Variants in FARP1 observed in about 807,000 individuals in gnomAD.
FARP1 encodes the protein FERM, ARH/RhoGEF and pleckstrin domain protein 1.
In FARP1, 52 loss-of-function variants were observed where a neutral mutation model predicts 128.8. That is an observed-to-expected ratio of 0.40 (90% CI 0.32 to 0.51). The LOEUF is 0.51. FARP1 is among the 20% of genes least tolerant of loss of function. The pLI is 0.45. For synonymous variants in FARP1, 580 were observed against 551.8 expected (o/e 1.05, Z -0.72); for missense variants, 1,333 against 1,367.9 (o/e 0.97, Z 0.40).
At chr13:98,337,204 T>C (rs1399522821) in intron 2 of FARP1, among the ~76,000 whole-genome samples, 2 of 151,906 alleles carry the variant, frequency 1.3e-5, no homozygotes, top group Non-Finnish European at 2.9e-5. Context: ...TCGTCTCTAC[T>C]AAAAATAAAA....
intron 24 of FARP1, among the ~76,000 whole-genome samples, chr13:98,442,476 G>A (rs72652241): frequency 0.026 from 3,995 of 152,318 alleles, 100 homozygotes; most frequent in Non-Finnish European, 0.034. Context: ...TCCCCCACGG[G>A]CACAGCCTTT....
intron 16 of FARP1, among the ~76,000 whole-genome samples, chr13:98,415,799 C>A (rs1891352189): frequency 6.6e-6 from 1 of 152,290 alleles, no homozygotes; most frequent in Non-Finnish European, 1.5e-5. Context: ...TGCCTTTCCT[C>A]ACGTTGCCGT....
chr13:98,395,895 A>G, intron 13 of FARP1: 1 of 400,124 alleles, frequency 2.5e-6, no homozygotes, highest in Non-Finnish European at 4.4e-6. Flanking sequence ...GTTCAAGTCC[A>G]AATATGAGTT....
chr13:98,248,890 G>T (rs1003561345), intron 2 of FARP1, among the ~76,000 whole-genome samples: 1 of 152,030 alleles, frequency 6.6e-6, no homozygotes, highest in Non-Finnish European at 1.5e-5. Flanking sequence ...GTTCCTGAGC[G>T]CAAGAAGGCT....
At chr13:98,263,111 C>T (rs915688921) in intron 2 of FARP1, among the ~76,000 whole-genome samples, 3 of 152,080 alleles carry the variant, frequency 2.0e-5, no homozygotes, top group Non-Finnish European at 2.9e-5. Context: ...CGGTTTCAAG[C>T]GATTCTCCTG....
intron 1 of FARP1, among the ~76,000 whole-genome samples, chr13:98,206,144 T>A (rs542381640): frequency 8.1e-4 from 123 of 151,714 alleles, no homozygotes; most frequent in Non-Finnish European, 1.4e-3. Context: ...CAGAGCCGTG[T>A]TCCATACTAA....
chr13:98,304,810 A>G (rs1464874163), intron 2 of FARP1, among the ~76,000 whole-genome samples: 3 of 152,254 alleles, frequency 2.0e-5, no homozygotes, highest in African/African-American at 4.8e-5. Flanking sequence ...AGCTGGGCAT[A>G]AATTCATGCA....
Position 98,411,931 on chromosome 13 carries a change from G to T in FARP1, c.1723G>T (p.Ala575Ser). ...TCAGAGCACAGTGAGCAAAGAGGACGCCATGCCGGAAGCACTGAAAAGTCT... is the reference window on the plus strand; with the variant it reads ...TCAGAGCACAGTGAGCAAAGAGGACTCCATGCCGGAAGCACTGAAAAGTCT... ...WFQSTVSKED[A>S]MPEALKSLIF... The change falls in exon 16 of 27, where the codon GCC becomes TCC. Residue 575 changes from alanine to serine, a missense_variant. Around this residue, in one of 2 missense-constraint regions of FARP1, gnomAD observed 1,009 missense variants for 969.8 expected, o/e 1.04. Transcript: ENST00000319562. The T allele has an allele frequency of 1.2e-6, 2 of 1,614,068 alleles. No homozygotes were observed. Among genetic ancestry groups the T allele is most frequent in the Non-Finnish European group, 1.7e-6 (2 of 1,179,916 alleles).
intron 16 of FARP1, among the ~76,000 whole-genome samples, chr13:98,417,478 A>AAAAAAAAAG (rs1891429406): frequency 6.9e-6 from 1 of 144,424 alleles, no homozygotes; most frequent in African/African-American, 2.7e-5. Context: ...AAAAAAAAAA[A>AAAAAAAAAG]AAAAAAGAAC....
chr13:98,407,699 C>T (rs1315369073), intron 13 of FARP1, among the ~76,000 whole-genome samples: 1 of 152,158 alleles, frequency 6.6e-6, no homozygotes, highest in African/African-American at 2.4e-5. Context: ...TTGCACTAAC[C>T]AGTAGTCCGT....
At chr13:98,295,674 T>C (rs1885654640) in intron 2 of FARP1, among the ~76,000 whole-genome samples, 1 of 152,088 alleles carries the variant, frequency 6.6e-6, no homozygotes, top group Non-Finnish European at 1.5e-5. Flanking sequence ...TAAAGAGACA[T>C]TTGGAATTTT....
At chr13:98,152,009 A>C (rs1219358134) in intron 1 of FARP1, among the ~76,000 whole-genome samples, 1 of 152,130 alleles carries the variant, frequency 6.6e-6, no homozygotes, top group African/African-American at 2.4e-5. Flanking sequence ...CTCTTTCCCG[A>C]AAACCTCAAG....
At position 98,308,133 on chromosome 13, in the gene FARP1, C is replaced by T. The variant is rs1305413203; in HGVS notation, c.172-35629C>T. Among the ~76,000 whole-genome samples the T allele has an allele frequency of 3.3e-5, 5 of 149,554 alleles. No individual in the cohort carries two copies. In the East Asian group the frequency reaches 9.8e-4, roughly 29 times the overall value. ...GGAATTTATCCTAGCCTTTTTTCCT[C>T]CTGTGGCTCCACAGCACATGCATTC... On this transcript the variant is annotated intron_variant, in intron 2 of 26. Coordinates refer to ENST00000319562, the MANE Select transcript of FARP1 (RefSeq NM_005766.4).
At chr13:98,417,455 G>GAAAAAAAAAAAAAAA (rs869304302) in intron 16 of FARP1, among the ~76,000 whole-genome samples, 2 of 58,452 alleles carry the variant, frequency 3.4e-5, no homozygotes, top group African/African-American at 5.7e-5. Context: ...CCAGAGGTTT[G>GAAAAAAAAAAAAAAA]AAAAAAAAAA....
chr13:98,238,034 A>T (rs1363916847), intron 2 of FARP1, among the ~76,000 whole-genome samples: 7 of 152,170 alleles, frequency 4.6e-5, no homozygotes, highest in African/African-American at 7.2e-5. Flanking sequence ...AGGCAAAAGG[A>T]AGGTGAAGGA....
chr13:98,256,894 A>G (rs553228223), intron 2 of FARP1, among the ~76,000 whole-genome samples: 1 of 141,736 alleles, frequency 7.1e-6, no homozygotes, highest in Admixed American at 7.1e-5. Flanking sequence ...TTTACAAGGA[A>G]CAATAATAAA....
intron 13 of FARP1, chr13:98,397,830 C>T (rs1890606361): frequency 7.2e-6 from 1 of 139,324 alleles, no homozygotes; most frequent in Non-Finnish European, 1.5e-5. Flanking sequence ...GTAAGAAAAA[C>T]ATCACAAACA....
chr13:98,374,960 C>A (rs938166511), intron 5 of FARP1, among the ~76,000 whole-genome samples: 1 of 152,164 alleles, frequency 6.6e-6, no homozygotes, highest in Non-Finnish European at 1.5e-5. Context: ...CACTCACCCC[C>A]AAGGGAGGTT....
At position 98,176,589 on chromosome 13, in the gene FARP1, G is replaced by T; in HGVS notation, c.-24+33097G>T. The T allele has an allele frequency of 6.2e-7, 1 of 1,614,220 alleles. No homozygotes were observed. Among genetic ancestry groups the T allele is most frequent in the East Asian group, 2.2e-5 (1 of 44,878 alleles). On this transcript the variant is annotated intron_variant, in intron 1 of 26. Transcript: ENST00000319562. This position sits in a 1 kb window ranked among gnomAD's most constrained non-coding sequence, Gnocchi z 6.2. ...CCCACCCGAGCTTGTAATCGGAACG[G>T]TCGTGGAGGAATTTGCAGCTGTCCC... is the stretch of plus-strand genomic sequence containing the variant.
Sources: gnomAD v4.1 joint callset for allele counts (sites outside exome capture counted in the v4.1 genomes callset) on GRCh38, gnomAD v4.1.1 for gene constraint, gnomAD v4.1.1 regional missense constraint, Gnocchi (gnomAD v3.1) non-coding constraint, MANE v1.5 for transcripts, NCBI Gene and HGNC (gene_info 2026-07-23, HGNC 2026-07-21) for gene names.